The following COL9A3 variants were observed in gnomAD, a reference collection of about 807,000 sequenced individuals.
The protein encoded by COL9A3 is collagen type IX alpha 3 chain.
Under a neutral mutation model 110.2 loss-of-function variants are expected in COL9A3, and 82 were observed. The observed-to-expected ratio is 0.74, with a 90% confidence interval of 0.62 to 0.89. COL9A3 has a LOEUF of 0.89. Among genes scored for constraint, COL9A3 ranks in the 40% least tolerant of loss-of-function variants. COL9A3 has a pLI of 0.00. For synonymous variants in COL9A3, 494 were observed against 403.8 expected (o/e 1.22, Z -2.68); for missense variants, 1,066 against 981.3 (o/e 1.09, Z -1.15).
Position 62,825,722 on chromosome 20 carries a change from C to G in COL9A3, c.631-95C>G. 4 of 1,297,738 alleles carry G rather than the reference C, an allele frequency of 3.1e-6. No homozygotes were observed. In the South Asian group the frequency reaches 5.1e-5, roughly 16 times the overall value. 80.4% of individuals were successfully genotyped at this position (1,297,738 alleles called of 1,614,324 possible). A position where few individuals can be genotyped will look rare whatever the true frequency, so the allele number is the denominator to read the frequency against. On this transcript the variant is annotated intron_variant, in intron 12 of 31. Transcript: ENST00000649368. ...CCCAGCTGTGAAGGGGGCAACACCC[C>G]CAGCTGCTTGGGCTTGAGTAGGGTG...
Position 62,821,513 on chromosome 20 carries a change from G to C in COL9A3, c.352G>C (p.Gly118Arg), listed in dbSNP as rs2063512919. The change falls in exon 7 of 32, where the codon GGC (glycine) becomes CGC (arginine). Residue 118 changes from glycine to arginine, a missense_variant. By Grantham distance (125) the Gly-to-Arg change is moderately radical. Transcript: ENST00000649368. ...PPGPPGLGGK[G>R]LPGPPGEAGV... is the part of the protein sequence containing the mutation. ...CCCATGTTTGGCTTTGCAGGGCAAA[G>C]GCCTCCCTGGACCCCCCGTGAGTAC... is the stretch of plus-strand genomic sequence containing the variant. 1.2e-6 allele frequency: 2 copies of C among 1,612,888 alleles called. No homozygotes were observed. Among genetic ancestry groups the C allele is most frequent in the Non-Finnish European group, 1.7e-6 (2 of 1,179,952 alleles).
Position 62,835,967 on chromosome 20 carries a change from G to C in COL9A3, c.1401+14G>C. On this transcript the variant is annotated intron_variant, in intron 27 of 31. Transcript: ENST00000649368. ...CCCAAAGGAGAGGTGAGTGCCCGGC[G>C]ACTGTTCCGATGACACCATCCATGG... The C allele has an allele frequency of 1.2e-6, 2 of 1,614,164 alleles. No individual in the cohort carries two copies. Among genetic ancestry groups the C allele is most frequent in the Non-Finnish European group, 1.7e-6 (2 of 1,180,016 alleles).
chr20:62,837,981 C>T (rs983870397), intron 30 of COL9A3, among the ~76,000 whole-genome samples: 25 of 152,138 alleles, frequency 1.6e-4, no homozygotes, highest in African/African-American at 5.1e-4. Flanking sequence ...CCAGGCAAAA[C>T]ACAGATGTAA....
rs34990115 is a variant in COL9A3 at position 62,840,583 on chromosome 20, G to A, written c.1906G>A (p.Gly636Ser). The change falls in exon 32 of 32, where the codon GGT becomes AGT. Residue 636 changes from glycine (G) to serine (S), a missense_variant. Gly to Ser is a moderately conservative substitution (Grantham distance 56, BLOSUM62 0). Transcript: ENST00000649368. The part of the protein sequence containing the change: ...VPGTSKDGQD[G>S]APGEPGPPGD... ...CGGCACCAGCAAGGACGGCCAGGAC[G>A]GTGCTCCCGGCGAGCCTGGGCCTCC... 2.9e-5 allele frequency: 46 copies of A among 1,612,886 alleles called. No individual in the cohort carries two copies. Among genetic ancestry groups the A allele is most frequent in the African/African-American group, 5.3e-5 (4 of 75,028 alleles).
chr20:62,830,320 A>G (rs1486055990), intron 22 of COL9A3, 40 bp from the exon 23 acceptor site: 1 of 1,554,454 alleles, frequency 6.4e-7, no homozygotes, highest in Non-Finnish European at 8.7e-7. Context: ...GACTCCTCGA[A>G]CCCTGAGACA....
rs747609327 is a variant in COL9A3, at chr20:62,836,551, C to T, written c.1603+19C>T. 3 of 1,596,602 alleles carry T rather than the reference C, an allele frequency of 1.9e-6. No individual in the cohort carries two copies. Among genetic ancestry groups the T allele is most frequent in the South Asian group, 1.1e-5 (1 of 89,178 alleles). On this transcript the variant is annotated intron_variant, in intron 29 of 31. Coordinates refer to ENST00000649368, the MANE Select transcript of COL9A3 (RefSeq NM_001853.4). The stretch of plus-strand genomic sequence containing the variant: ...ATCAGCGGTAAGTCAGCCACGTGCA[C>T]CGGCTGCAGCGGGGCCCATCCCCGC...
At chr20:62,826,015 G>A (rs958930892) in intron 13 of COL9A3, 145 bp downstream of exon 13, 5 of 1,121,304 alleles carry the variant, frequency 4.5e-6, no homozygotes, top group Non-Finnish European at 6.5e-6. Flanking sequence ...GACCTGGCTG[G>A]GGGTCCCACC....
rs1403934281 is a variant in COL9A3 at position 62,828,764 on chromosome 20, G to A, written c.901G>A (p.Gly301Ser). The A allele has an allele frequency of 6.2e-7, 1 of 1,612,666 alleles. No homozygotes were observed. The highest frequency in any genetic ancestry group is 1.3e-5 in the African/African-American group (1 of 74,944). The change falls in exon 18 of 32, where the codon GGC becomes AGC. Residue 301 changes from glycine to serine, a missense_variant and splice_region_variant. Transcript: ENST00000649368. ...GGCCTTACTCATCCCTTGTCCCCAGGGCATGCCGGGCAAGGACGGCCAGAA... is the reference window on the plus strand; with the variant it reads ...GGCCTTACTCATCCCTTGTCCCCAGAGCATGCCGGGCAAGGACGGCCAGAA... ...PGVAGPSGEP[G>S]MPGKDGQNGV... is the part of the protein sequence containing the mutation.
intron 4 of COL9A3, 115 bp from the exon 5 acceptor site, chr20:62,819,814 G>A: frequency 8.7e-7 from 1 of 1,152,556 alleles, no homozygotes; most frequent in African/African-American, 1.5e-5. Context: ...CACCCTAAGG[G>A]TCTTCTATGC....
intron 3 of COL9A3, 103 bp downstream of exon 3, chr20:62,818,656 C>A: frequency 7.6e-7 from 1 of 1,309,780 alleles, no homozygotes; most frequent in Non-Finnish European, 1.1e-6. Flanking sequence ...CTGCCGGAGC[C>A]CGGGTTGCCT....
chr20:62,835,095 T>A (rs1045964388), intron 26 of COL9A3, among the ~76,000 whole-genome samples: 9 of 152,192 alleles, frequency 5.9e-5, no homozygotes, highest in African/African-American at 2.2e-4. Context: ...TCGGGCTGTG[T>A]GAGGTGACCC....
chr20:62,836,104 C>T (rs927303145), intron 27 of COL9A3, 83 bp from the exon 28 acceptor site: 196 of 1,603,720 alleles, frequency 1.2e-4, no homozygotes, highest in Non-Finnish European at 1.4e-4. Context: ...AAGACGGCTC[C>T]GTGCCGGCTG....
chr20:62,817,196 C>G, intron 1 of COL9A3, 54 bp downstream of exon 1: 1 of 1,242,264 alleles, frequency 8.0e-7, no homozygotes, highest in Non-Finnish European at 1.0e-6. Flanking sequence ...ACCGCCCCAG[C>G]CCCGAACCCG....
chr20:62,817,658 C>A, intron 2 of COL9A3, 23 bp downstream of exon 2: 1 of 1,508,922 alleles, frequency 6.6e-7, no homozygotes, highest in Non-Finnish European at 8.9e-7. Flanking sequence ...GTGGGGAGGG[C>A]CCCGAGCGCT....
chr20:62,825,678 C>T (rs2063546643), intron 12 of COL9A3, 139 bp from the exon 13 acceptor site: 3 of 869,742 alleles, frequency 3.4e-6, no homozygotes, highest in African/African-American at 1.7e-5. Context: ...CAAGTGTCCC[C>T]TTCACAGAGC....
chr20:62,825,953 G>A (rs2063549033), intron 13 of COL9A3, 83 bp downstream of exon 13: 2 of 1,445,428 alleles, frequency 1.4e-6, no homozygotes, highest in Admixed American at 2.0e-5. Flanking sequence ...TACCCCCGAG[G>A]GGGCCAGCTC....
Position 62,838,687 on chromosome 20 carries a change from A to G in COL9A3, c.1790A>G (p.Asn597Ser). ...GELGDPGPRG[N>S]QGDRGDKGAA... ...CTGTGTCCACACCTCGTGACAGGAA[A>G]CCAGGGTGACAGAGGAGACAAAGGC... is the stretch of plus-strand genomic sequence containing the variant. The change falls in exon 31 of 32, where the codon AAC becomes AGC. Residue 597 changes from asparagine to serine, a missense_variant. Transcript: ENST00000649368. 1.9e-6 allele frequency: 3 copies of G among 1,552,506 alleles called. No homozygotes were observed. Among genetic ancestry groups the G allele is most frequent in the Non-Finnish European group, 2.6e-6 (3 of 1,147,402 alleles).
At chr20:62,816,888 G>A (rs557412678), upstream of COL9A3, among the ~76,000 whole-genome samples, 1 of 151,154 alleles carries the variant, frequency 6.6e-6, no homozygotes, top group African/African-American at 2.4e-5. Flanking sequence ...TTTTCGCCCA[G>A]GCGGGCTGGG....
rs546500107 is a variant in COL9A3 at position 62,837,530 on chromosome 20, T to C, written c.1786+265T>C. ...GATTGATTTAAAATGTGACGAAGGC[T>C]GGGCGCGGTGGCTCACGCCTGTAAT... On this transcript the variant is annotated intron_variant, in intron 30 of 31. Transcript: ENST00000649368. Among the ~76,000 whole-genome samples, 17 of 152,218 alleles carry C rather than the reference T, an allele frequency of 1.1e-4. No homozygotes were observed. In the South Asian group the frequency reaches 1.5e-3, roughly 13 times the overall value.
Sources: gnomAD v4.1 joint callset for allele counts (sites outside exome capture counted in the v4.1 genomes callset) on GRCh38, gnomAD v4.1.1 for gene constraint, MANE v1.5 for transcripts, NCBI Gene and HGNC (gene_info 2026-07-23, HGNC 2026-07-21) for gene names.